BRD3: variants seen among roughly 807,000 people sequenced by gnomAD.
The protein encoded by BRD3 is bromodomain containing 3, also known as bromodomain-containing protein 3.
BRD3 carries 17 observed loss-of-function variants against 66.8 expected under a neutral mutation model. The observed-to-expected ratio is 0.25, with a 90% CI of 0.17 to 0.38. The LOEUF (loss-of-function observed/expected upper bound fraction) is 0.38. Among genes scored for constraint, BRD3 ranks in the 10% least tolerant of loss-of-function variants. The probability of loss-of-function intolerance (pLI) is 1.00; values close to 1 mark genes in which losing one functional copy is unlikely to be tolerated. For missense variants in BRD3, 713 were observed against 956.1 expected (o/e 0.75, Z 3.35); for synonymous variants, 421 against 393.2 (o/e 1.07, Z -0.84).
chr9:134,067,246 C>T (rs564216536), intron 1 of BRD3, among the ~76,000 whole-genome samples: 1 of 152,152 alleles, frequency 6.6e-6, no homozygotes, highest in Non-Finnish European at 1.5e-5. Context: ...GGGTCTCCCC[C>T]TGGTTTGGGT....
intron 3 of BRD3, 116 bp from the exon 4 acceptor site, chr9:134,051,825 CAGGAG>C (rs1830302888): frequency 1.0e-5 from 11 of 1,083,552 alleles, no homozygotes; most frequent in Middle Eastern, 2.6e-4. Context: ...TTTGGCAGCG[CAGGAG>C]AGAACAAAAT....
chr9:134,039,026 C>T (rs1456969527), intron 9 of BRD3, among the ~76,000 whole-genome samples: 2 of 152,028 alleles, frequency 1.3e-5, no homozygotes, highest in Non-Finnish European at 2.9e-5. Context: ...AATGGCTGAC[C>T]CAGCTGTCTA....
At chr9:134,061,821 A>G (rs552353352) in intron 1 of BRD3, among the ~76,000 whole-genome samples, 2 of 152,290 alleles carry the variant, frequency 1.3e-5, no homozygotes, top group African/African-American at 4.8e-5. Flanking sequence ...CCACAGCCCC[A>G]GAATTCTCGG....
rs762309822 is a variant in BRD3, at chr9:134,034,762, C to G, written c.2004G>C (p.Leu668=). 1.2e-6 allele frequency: 2 copies of G among 1,611,194 alleles called. No individual in the cohort carries two copies. Among genetic ancestry groups the G allele is most frequent in the South Asian group, 2.2e-5 (2 of 91,088 alleles). The change falls in exon 11 of 12, where the codon CTG becomes CTC. Residue 668 remains leucine (L), a synonymous_variant. Coordinates refer to ENST00000303407, the MANE Select transcript of BRD3 (RefSeq NM_007371.4). ...CGCTGACATCCTGCAGACGCTTTTC[C>G]AGCTCCTTCTTCTTTTCCTGAGCTA... is the stretch of plus-strand genomic sequence containing the variant. The part of the protein sequence containing the change: ...EELAQEKKKE[L]EKRLQDVSGQ...
At chr9:134,052,480 T>TCTA in intron 2 of BRD3, 37 bp from the exon 3 acceptor site, 1 of 1,582,098 alleles carries the variant, frequency 6.3e-7, no homozygotes, top group Non-Finnish European at 8.6e-7. Flanking sequence ...ACCAGAAGAT[T>TCTA]CTACATAATT....
At chr9:134,061,860 G>C (rs1235701291) in intron 1 of BRD3, among the ~76,000 whole-genome samples, 1 of 152,110 alleles carries the variant, frequency 6.6e-6, no homozygotes, top group Non-Finnish European at 1.5e-5. Context: ...GCTGTGATCG[G>C]CTGTGGCAGG....
rs138208428 is a variant in BRD3, at chr9:134,066,091, GAC to G, written c.-114+1852_-114+1853del. 4.0e-3 allele frequency among the ~76,000 whole-genome samples: 614 copies of G among 152,272 alleles called. 2 individuals carry two copies. Among genetic ancestry groups the G allele is most frequent in the Non-Finnish European group, 6.5e-3 (445 of 68,026 alleles). On this transcript the variant is annotated intron_variant, in intron 1 of 11. Coordinates refer to ENST00000303407, the MANE Select transcript of BRD3 (RefSeq NM_007371.4). ...AACAAAACAAAAATAAAAATGGAGT[GAC>G]TGCCCACTCGGAGAAAGCTTTTGAA...
At chr9:134,040,009 G>C in intron 9 of BRD3, 25 bp downstream of exon 9, 2 of 1,570,292 alleles carry the variant, frequency 1.3e-6, no homozygotes. Context: ...TGGGCTCTTG[G>C]AGCCCGAGCA....
rs1430419360 is a variant in BRD3 at position 134,066,707 on chromosome 9, C to T, written c.-114+1238G>A. ...ACGGGACACACGAAGCTGCCTCTTG[C>T]AGTTCCAGCCCAATTACTCTGCCCA... On this transcript the variant is annotated intron_variant, in intron 1 of 11. Coordinates refer to ENST00000303407, the MANE Select transcript of BRD3 (RefSeq NM_007371.4). Among the ~76,000 whole-genome samples, 6 of 152,370 alleles carry T rather than the reference C, an allele frequency of 3.9e-5. No individual in the cohort carries two copies. In the South Asian group the frequency reaches 8.3e-4, roughly 21 times the overall value.
intron 1 of BRD3, among the ~76,000 whole-genome samples, chr9:134,066,087 G>T (rs1830645578): frequency 1.3e-5 from 2 of 152,090 alleles, no homozygotes; most frequent in African/African-American, 4.8e-5. Flanking sequence ...AATAAAAATG[G>T]AGTGACTGCC....
At chr9:134,049,161 G>C (rs12350803) in intron 5 of BRD3, among the ~76,000 whole-genome samples, 5,059 of 152,178 alleles carry the variant, frequency 0.033, 299 homozygotes, top group African/African-American at 0.12. Flanking sequence ...TGGGGACGGA[G>C]CCAGGCACCA....
chr9:134,033,709 T>G lies in BRD3; in HGVS notation c.2066-4A>C. 1 of 732,080 alleles carries G rather than the reference T, an allele frequency of 1.4e-6. No individual in the cohort carries two copies. The allele number at this position is 732,080 out of a possible 1,614,324, so 45.3% of individuals were successfully genotyped here. ...GAGGGTGCTGAGCCGGGCTTCTCTG[T>G]GGAGACATGGGCAGGGAGATGCGCT... On this transcript the variant is annotated splice_polypyrimidine_tract_variant and splice_region_variant and intron_variant, in intron 11 of 11. Transcript: ENST00000303407. This position sits in a 1 kb window ranked among gnomAD's most constrained non-coding sequence, Gnocchi z 5.1.
chr9:134,045,005 T>C lies in BRD3; in HGVS notation c.1215+288A>G, dbSNP rs1830137910. ...GAGAAAGAGCATCTGCCGTCCCACC[T>C]GGTACACGCACCAGTCCCTGGAGGG... On this transcript the variant is annotated intron_variant, in intron 7 of 11. Transcript: ENST00000303407. This position sits in a 1 kb window ranked among gnomAD's most constrained non-coding sequence, Gnocchi z 4.8. Among the ~76,000 whole-genome samples the C allele has an allele frequency of 6.6e-6, 1 of 152,178 alleles. No homozygotes were observed. Among genetic ancestry groups the C allele is most frequent in the South Asian group, 2.1e-4 (1 of 4,832 alleles).
At chr9:134,039,265 T>C (rs1241349366) in intron 9 of BRD3, among the ~76,000 whole-genome samples, 1 of 152,220 alleles carries the variant, frequency 6.6e-6, no homozygotes, top group African/African-American at 2.4e-5. Flanking sequence ...TAACTCTCCT[T>C]CATTTGCTTG....
rs1843575309 is a variant in BRD3 at position 134,034,838 on chromosome 9, G to C, written c.1937-9C>G. 6.2e-7 allele frequency: 1 copy of C among 1,610,982 alleles called. No homozygotes were observed. Among genetic ancestry groups the C allele is most frequent in the Admixed American group, 1.7e-5 (1 of 60,026 alleles). On this transcript the variant is annotated splice_polypyrimidine_tract_variant and intron_variant, in intron 10 of 11. Coordinates refer to ENST00000303407, the MANE Select transcript of BRD3 (RefSeq NM_007371.4). ...TTTCTTCCCGCTTGCTGCTGTCGGG[G>C]AACAAATGGGCACTCAGACTGCAGA... is the stretch of plus-strand genomic sequence containing the variant.
intron 1 of BRD3, among the ~76,000 whole-genome samples, chr9:134,067,230 G>A (rs1335773801): frequency 6.6e-6 from 1 of 152,170 alleles, no homozygotes; most frequent in East Asian, 1.9e-4. Flanking sequence ...TTTCAAAACG[G>A]GAACTGGGTC....
chr9:134,062,746 T>C (rs1397457334), intron 1 of BRD3, among the ~76,000 whole-genome samples: 1 of 152,116 alleles, frequency 6.6e-6, no homozygotes, highest in Non-Finnish European at 1.5e-5. Context: ...CCACAGACAC[T>C]GGTCAGGCCC....
chr9:134,060,803 C>A (rs915934695), intron 1 of BRD3, among the ~76,000 whole-genome samples: 1 of 152,196 alleles, frequency 6.6e-6, no homozygotes, highest in South Asian at 2.1e-4. Flanking sequence ...CTCACCCTTG[C>A]TGTGTGGCCC....
intron 6 of BRD3, among the ~76,000 whole-genome samples, chr9:134,047,841 G>A (rs1252811672): frequency 6.6e-6 from 1 of 152,222 alleles, no homozygotes; most frequent in East Asian, 1.9e-4. Flanking sequence ...ATCACTAAAC[G>A]GGTTCGATGG....
Sources: gnomAD v4.1 joint callset for allele counts (sites outside exome capture counted in the v4.1 genomes callset) on GRCh38, gnomAD v4.1.1 for gene constraint, Gnocchi (gnomAD v3.1) non-coding constraint, MANE v1.5 for transcripts, NCBI Gene and HGNC (gene_info 2026-07-23, HGNC 2026-07-21) for gene names.